Variants in RBFOX1 observed in about 807,000 individuals in gnomAD.
RBFOX1 encodes the protein RNA binding fox-1 homolog 1, also known as RNA binding protein fox-1 homolog 1.
In RBFOX1, 8 loss-of-function variants were observed where a neutral mutation model predicts 57.7. The ratio of observed to expected loss-of-function variants is 0.14; its 90% CI spans 0.08 to 0.25. The LOEUF (loss-of-function observed/expected upper bound fraction) is 0.25, where lower values mean the gene tolerates loss of function less well. Among genes scored for constraint, RBFOX1 ranks in the 10% least tolerant of loss-of-function variants. The pLI is 1.00. For synonymous variants in RBFOX1, 326 were observed against 222.4 expected (o/e 1.47, Z -4.15); for missense variants, 611 against 548.5 (o/e 1.11, Z -1.14).
chr16:5,897,842 T>C (rs994432755), intron 4 of RBFOX1, among the ~76,000 whole-genome samples: 1 of 152,074 alleles, frequency 6.6e-6, no homozygotes, highest in Non-Finnish European at 1.5e-5. Flanking sequence ...CTCTTTTTTT[T>C]TTTTTTTGAG....
intron 4 of RBFOX1, among the ~76,000 whole-genome samples, chr16:5,940,084 CA>C (rs972497998): frequency 2.0e-4 from 30 of 152,252 alleles, no homozygotes; most frequent in Admixed American, 1.1e-3. Context: ...TTTATTTTTC[CA>C]TCTTCTGCCC....
rs555533238 is a variant in RBFOX1, at chr16:7,653,788, C to T, written c.758-27C>T. 8 of 1,605,522 alleles carry T rather than the reference C, an allele frequency of 5.0e-6. No individual in the cohort carries two copies. The Admixed American group carries it at 1.2e-4, about 23-fold the overall frequency. ...GTGTGCATCTGACAGCCTGTGCTCTCTCTCTCTCTCTCCTCTTGCCCCGCA... is the reference window on the plus strand; with the variant it reads ...GTGTGCATCTGACAGCCTGTGCTCTTTCTCTCTCTCTCCTCTTGCCCCGCA... On this transcript the variant is annotated intron_variant, in intron 11 of 15. Transcript: ENST00000550418.
intron 3 of RBFOX1, among the ~76,000 whole-genome samples, chr16:6,916,744 C>T (rs538289148): frequency 9.8e-5 from 15 of 152,314 alleles, no homozygotes; most frequent in Non-Finnish European, 2.1e-4. Context: ...GGATTACTTC[C>T]AGCTTTTTTC....
At chr16:6,202,732 C>A (rs1270323446) in intron 1 of RBFOX1, among the ~76,000 whole-genome samples, 1 of 152,098 alleles carries the variant, frequency 6.6e-6, no homozygotes, top group African/African-American at 2.4e-5. Flanking sequence ...TTATCCATCA[C>A]CTCCAAAAGC....
chr16:6,890,303 G>C (rs143275155), intron 3 of RBFOX1, among the ~76,000 whole-genome samples: 142 of 152,258 alleles, frequency 9.3e-4, no homozygotes, highest in African/African-American at 3.2e-3. Context: ...TGGATTGCTT[G>C]AGGTCAGGAG....
chr16:6,379,275 G>A (rs1358663456), intron 2 of RBFOX1, among the ~76,000 whole-genome samples: 1 of 152,116 alleles, frequency 6.6e-6, no homozygotes, highest in African/African-American at 2.4e-5. Context: ...AACCATGACA[G>A]TGAAAGGTGC....
At chr16:6,075,898 C>T (rs1316166470) in intron 1 of RBFOX1, among the ~76,000 whole-genome samples, 3 of 152,194 alleles carry the variant, frequency 2.0e-5, no homozygotes, top group African/African-American at 7.2e-5. Flanking sequence ...TGCACTGTCT[C>T]ATTTAATGCT....
intron 4 of RBFOX1, among the ~76,000 whole-genome samples, chr16:5,904,777 A>T (rs1352365436): frequency 6.6e-6 from 1 of 151,656 alleles, no homozygotes; most frequent in Non-Finnish European, 1.5e-5. Context: ...GGAGATCAAG[A>T]CCATCCTGGC....
intron 10 of RBFOX1, among the ~76,000 whole-genome samples, chr16:7,612,018 G>A (rs1315371564): frequency 6.6e-6 from 1 of 152,032 alleles, no homozygotes; most frequent in Admixed American, 6.6e-5. Context: ...GAGTCCTTGA[G>A]GCTTATTCAA....
chr16:6,021,689 G>A (rs895054320), intron 1 of RBFOX1, among the ~76,000 whole-genome samples: 16 of 152,218 alleles, frequency 1.1e-4, no homozygotes, highest in African/African-American at 3.4e-4. Flanking sequence ...TAGGGGTCCA[G>A]AGAGTGGAGC....
intron 2 of RBFOX1, among the ~76,000 whole-genome samples, chr16:6,622,651 C>G (rs1004327818): frequency 9.2e-5 from 14 of 152,140 alleles, no homozygotes; most frequent in African/African-American, 3.4e-4. Context: ...TATATGAATA[C>G]AAAACAATTT....
At chr16:6,524,645 T>C (rs2153808292) in intron 2 of RBFOX1, among the ~76,000 whole-genome samples, 1 of 152,298 alleles carries the variant, frequency 6.6e-6, no homozygotes, top group African/African-American at 2.4e-5. Flanking sequence ...AGCACAGACT[T>C]CTCTCACATT....
intron 3 of RBFOX1, among the ~76,000 whole-genome samples, chr16:5,843,237 A>G (rs778382966): frequency 3.3e-5 from 5 of 152,214 alleles, no homozygotes; most frequent in Middle Eastern, 3.2e-3. Flanking sequence ...TTCATCGCCA[A>G]GGTACTAAGC....
chr16:7,560,195 T>A (rs1025599118), intron 5 of RBFOX1, among the ~76,000 whole-genome samples: 3 of 152,148 alleles, frequency 2.0e-5, no homozygotes, highest in African/African-American at 7.2e-5. Flanking sequence ...ACCTGTCAAC[T>A]TTTCTGGCTG....
intron 3 of RBFOX1, among the ~76,000 whole-genome samples, chr16:6,756,261 G>T (rs568547193): frequency 6.6e-6 from 1 of 152,094 alleles, no homozygotes; most frequent in Non-Finnish European, 1.5e-5. Context: ...GGAAAAAAAT[G>T]GATATCCGTA....
At chr16:6,965,276 T>G (rs1203235648) in intron 3 of RBFOX1, among the ~76,000 whole-genome samples, 2 of 151,980 alleles carry the variant, frequency 1.3e-5, no homozygotes, top group African/African-American at 2.4e-5. Context: ...AGGACTAGAA[T>G]GACCAAACAT....
intron 1 of RBFOX1, among the ~76,000 whole-genome samples, chr16:6,277,470 A>AAAAAAAC (rs1461021382): frequency 1.3e-5 from 2 of 151,092 alleles, no homozygotes; most frequent in African/African-American, 4.9e-5. Flanking sequence ...AAAAAAAAAA[A>AAAAAAAC]AAAAAAAACC....
intron 3 of RBFOX1, among the ~76,000 whole-genome samples, chr16:6,677,580 G>C (rs2057950768): frequency 6.6e-6 from 1 of 152,158 alleles, no homozygotes; most frequent in Non-Finnish European, 1.5e-5. Flanking sequence ...TAATGACTCA[G>C]CAGTTCATTA....
intron 3 of RBFOX1, among the ~76,000 whole-genome samples, chr16:5,789,855 C>T (rs1005193077): frequency 2.6e-5 from 4 of 152,166 alleles, no homozygotes; most frequent in Admixed American, 6.5e-5. Flanking sequence ...TGACTAGGTA[C>T]GCAGATTATA....
Sources: allele counts gnomAD v4.1 joint callset (sites outside exome capture counted in the v4.1 genomes callset), GRCh38; gene constraint gnomAD v4.1.1; transcripts MANE v1.5; gene names NCBI Gene and HGNC (gene_info 2026-07-23, HGNC 2026-07-21).